GMIP: variants seen among roughly 807,000 people sequenced by gnomAD.
The protein encoded by GMIP is GEM-interacting protein.
In GMIP, 54 loss-of-function variants were observed where a neutral mutation model predicts 105.3. That is an observed-to-expected ratio of 0.51 (90% CI 0.41 to 0.64). The LOEUF is 0.64. Among genes scored for constraint, GMIP ranks in the 30% least tolerant of loss-of-function variants. The pLI, the probability that GMIP is intolerant of heterozygous loss-of-function variation, is 0.00. For missense variants in GMIP, 1,110 were observed against 1,319.4 expected (o/e 0.84, Z 2.46); for synonymous variants, 541 against 560.8 (o/e 0.96, Z 0.50).
At position 19,640,376 on chromosome 19, in the gene GMIP, G is replaced by GC. The variant is rs775484538; in HGVS notation, c.365-17dup. 1.9e-6 allele frequency: 3 copies of GC among 1,613,966 alleles called. No individual in the cohort carries two copies. The African/African-American group carries it at 4.0e-5, about 22-fold the overall frequency. On this transcript the variant is annotated splice_polypyrimidine_tract_variant and intron_variant, in intron 5 of 20. Transcript: ENST00000203556. ...AACTCCAGCTCTGGGGGAAGAGAGA[G>GC]CCGGGCTCTGGGTCTAGCTGGGGTC...
chr19:19,634,288 C>T lies in GMIP; in HGVS notation c.2085-98G>A. 7.6e-7 allele frequency: 1 copy of T among 1,309,048 alleles called. No individual in the cohort carries two copies. The highest frequency in any genetic ancestry group is 1.0e-6 in the Non-Finnish European group (1 of 970,056). The allele number at this position is 1,309,048 out of a possible 1,614,324, so 81.1% of individuals were successfully genotyped here. The stretch of plus-strand genomic sequence containing the variant: ...CGCAGGCCAGCCTAGAGGTGACTTG[C>T]CCATGTCACAGGTGTAAGTCGTCTG... On this transcript the variant is annotated intron_variant, in intron 18 of 20. Coordinates refer to ENST00000203556, the MANE Select transcript of GMIP (RefSeq NM_016573.4). This position sits in a 1 kb window ranked among gnomAD's most constrained non-coding sequence, Gnocchi z 6.1.
chr19:19,635,782 G>T lies in GMIP; in HGVS notation c.1328-61C>A. On this transcript the variant is annotated intron_variant, in intron 13 of 20. Transcript: ENST00000203556. This position sits in a 1 kb window ranked among gnomAD's most constrained non-coding sequence, Gnocchi z 4.7. ...ATGGGAGGCACTCCTGGTTTTTAGGGCTTCCAGAACCACCCACTAATTCCC... is the reference window on the plus strand; with the variant it reads ...ATGGGAGGCACTCCTGGTTTTTAGGTCTTCCAGAACCACCCACTAATTCCC... 1 of 1,407,346 alleles carries T rather than the reference G, an allele frequency of 7.1e-7. No individual in the cohort carries two copies. Among genetic ancestry groups the T allele is most frequent in the Non-Finnish European group, 1.0e-6 (1 of 994,150 alleles). 87.2% of individuals were successfully genotyped at this position (1,407,346 alleles called of 1,614,324 possible). A position where few individuals can be genotyped will look rare whatever the true frequency, so the allele number is the denominator to read the frequency against.
chr19:19,637,336 G>C lies in GMIP; in HGVS notation c.1124+29C>G, dbSNP rs201582978. ...GCCTGGCATCGCGATTCCGGGGCTC[G>C]TTCCCGACTCCCTGCTCCAGTGACC... On this transcript the variant is annotated intron_variant, in intron 11 of 20. Transcript: ENST00000203556. This position sits in a 1 kb window ranked among gnomAD's most constrained non-coding sequence, Gnocchi z 6.7. 78 of 1,427,934 alleles carry C rather than the reference G, an allele frequency of 5.5e-5. No individual in the cohort carries two copies. The East Asian group carries it at 1.9e-3, about 35-fold the overall frequency. The allele number at this position is 1,427,934 out of a possible 1,614,324, so 88.5% of individuals were successfully genotyped here. A position where few individuals can be genotyped will look rare whatever the true frequency, so the allele number is the denominator to read the frequency against.
chr19:19,638,524 G>A, intron 7 of GMIP, 42 bp from the exon 8 acceptor site: 2 of 1,552,390 alleles, frequency 1.3e-6, no homozygotes, highest in Admixed American at 3.4e-5. Context: ...CTGCCTTAGG[G>A]CCAACCCAGA....
rs1351061848 is a variant in GMIP at position 19,636,901 on chromosome 19, C to T, written c.1237+16G>A. 3 of 1,561,388 alleles carry T rather than the reference C, an allele frequency of 1.9e-6. No homozygotes were observed. Among genetic ancestry groups the T allele is most frequent in the Middle Eastern group, 3.3e-4 (2 of 5,988 alleles). ...AACTCCTGGCACCACTCCCACCTGG[C>T]CCTCATTGCACTCACCTTGCCAGCG... On this transcript the variant is annotated intron_variant, in intron 12 of 20. Transcript: ENST00000203556.
chr19:19,642,306 T>C (rs2061931080), intron 2 of GMIP, among the ~76,000 whole-genome samples: 1 of 151,980 alleles, frequency 6.6e-6, no homozygotes, highest in African/African-American at 2.4e-5. Context: ...TTTTAAGGGG[T>C]TACAAGGATA....
rs2061869257 is a variant in GMIP, at chr19:19,637,591, G to C, written c.928-30C>G. 1 of 1,473,916 alleles carries C rather than the reference G, an allele frequency of 6.8e-7. No homozygotes were observed. The highest frequency in any genetic ancestry group is 9.0e-7 in the Non-Finnish European group (1 of 1,117,126). 91.3% of individuals were successfully genotyped at this position (1,473,916 alleles called of 1,614,324 possible). Reference sequence around the variant, plus strand: ...CGGGTGGAGACAGCAGGTTGGGGAGGGGCGGAGCCTGGGAGCCTGGGGGCA... The same window carrying C: ...CGGGTGGAGACAGCAGGTTGGGGAGCGGCGGAGCCTGGGAGCCTGGGGGCA... On this transcript the variant is annotated intron_variant, in intron 10 of 20. Transcript: ENST00000203556. The surrounding 1 kb of genome is among the most constrained non-coding windows in gnomAD (Gnocchi z 6.7).
At position 19,634,861 on chromosome 19, in the gene GMIP, T is replaced by TCGGCC; in HGVS notation, c.1813_1817dup (p.Leu608GlufsTer29). ...AGTTCCCCGACAGCTCCACCAACGCTCGGCCATTCTCGAAAGCCTGGCACA... is the reference window on the plus strand; with the variant it reads ...AGTTCCCCGACAGCTCCACCAACGCTCGGCCCGGCCATTCTCGAAAGCCTGGCACA... On this transcript the variant is annotated frameshift_variant, in exon 17 of 21. Coordinates refer to ENST00000203556, the MANE Select transcript of GMIP (RefSeq NM_016573.4). LOFTEE classifies it high-confidence loss of function. The surrounding 1 kb of genome is among the most constrained non-coding windows in gnomAD (Gnocchi z 6.1). 3 of 1,613,876 alleles carry TCGGCC rather than the reference T, an allele frequency of 1.9e-6. No individual in the cohort carries two copies. Among genetic ancestry groups the TCGGCC allele is most frequent in the Non-Finnish European group, 2.5e-6 (3 of 1,180,016 alleles).
chr19:19,641,792 G>A lies in GMIP; in HGVS notation c.238+18C>T. 6.3e-7 allele frequency: 1 copy of A among 1,585,026 alleles called. No homozygotes were observed. Among genetic ancestry groups the A allele is most frequent in the Non-Finnish European group, 8.6e-7 (1 of 1,156,824 alleles). ...ACTCCTGTCTGTCCCCACTGTCCTG[G>A]CCTCCAGACCCCCCTACCTGTGAGG... On this transcript the variant is annotated intron_variant, in intron 4 of 20. Coordinates refer to ENST00000203556, the MANE Select transcript of GMIP (RefSeq NM_016573.4).
chr19:19,641,475 C>T (rs2061918521), intron 4 of GMIP, among the ~76,000 whole-genome samples: 1 of 152,134 alleles, frequency 6.6e-6, no homozygotes, highest in Non-Finnish European at 1.5e-5. Context: ...AAGTCCTGGG[C>T]TTAATCAGTC....
chr19:19,639,522 A>C (rs766167852), intron 7 of GMIP, among the ~76,000 whole-genome samples: 5 of 151,680 alleles, frequency 3.3e-5, no homozygotes, highest in Admixed American at 3.3e-4. Context: ...TCCTGAGAAC[A>C]CTCAGCACCT....
In GMIP at chr19:19,630,346, G is replaced by T. The variant is rs1568409696; in HGVS notation, c.2540-10C>A. On this transcript the variant is annotated splice_polypyrimidine_tract_variant and intron_variant, in intron 20 of 20. Transcript: ENST00000203556. This position sits in a 1 kb window ranked among gnomAD's most constrained non-coding sequence, Gnocchi z 4.8. ...GGGCCTTGGCTGGACACTGTGTACG[G>T]GGTGGGTGGTCAGTGCAGAGCACCT... The T allele has an allele frequency of 2.6e-6, 4 of 1,545,586 alleles. No individual in the cohort carries two copies. The highest frequency in any genetic ancestry group is 3.5e-6 in the Non-Finnish European group (4 of 1,146,598).
chr19:19,639,201 C>T (rs963057478), intron 7 of GMIP, among the ~76,000 whole-genome samples: 1 of 151,954 alleles, frequency 6.6e-6, no homozygotes, highest in East Asian at 1.9e-4. Flanking sequence ...CTCCTAGTAG[C>T]TAGCACTGCA....
Position 19,633,915 on chromosome 19 carries a change from G to T in GMIP, c.2360C>A (p.Pro787Gln). The change falls in exon 19 of 21, where the codon CCA (proline) becomes CAA (glutamine). Residue 787 changes from proline to glutamine, a missense_variant. Pro to Gln is a moderately conservative substitution (Grantham distance 76). Around this residue, in one of 3 missense-constraint regions of GMIP, gnomAD observed 394 missense variants for 450.5 expected, o/e 0.87. Transcript: ENST00000203556. Reference protein sequence around the residue: ...PGPLTTSSQPPPPHLDPDSQP... With the variant: ...PGPLTTSSQPQPPHLDPDSQP... ...GGAGTCTGGGTCAAGGTGCGGGGGT[G>T]GCGGTTGGGAGCTGGTTGTGAGGGG... The T allele has an allele frequency of 6.5e-7, 1 of 1,538,472 alleles. No homozygotes were observed. Among genetic ancestry groups the T allele is most frequent in the Non-Finnish European group, 8.8e-7 (1 of 1,137,220 alleles).
chr19:19,640,198 G>A lies in GMIP; in HGVS notation c.430-6C>T, dbSNP rs1555747840. The A allele has an allele frequency of 1.2e-6, 2 of 1,604,542 alleles. No individual in the cohort carries two copies. The highest frequency in any genetic ancestry group is 1.3e-5 in the African/African-American group (1 of 74,452). The stretch of plus-strand genomic sequence containing the variant: ...TACTGCAGAGGCATGTGGCTCTGGG[G>A]AAGACAGAGTGGTGTAGGAGGATAC... On this transcript the variant is annotated splice_region_variant and splice_polypyrimidine_tract_variant and intron_variant, in intron 6 of 20. Transcript: ENST00000203556.
chr19:19,637,391 G>A lies in GMIP; in HGVS notation c.1098C>T (p.Phe366=). Residue 366 remains phenylalanine, a synonymous_variant, in exon 11 of 21, where the codon TTC becomes TTT. Transcript: ENST00000203556. This position sits in a 1 kb window ranked among gnomAD's most constrained non-coding sequence, Gnocchi z 6.7. ...APPPPPPAFS[F]QEFLPSLNSS... ...TGTTCAAGGAGGGAAGGAACTCCTG[G>A]AAGGAGAAGGCGGGCGGCGGGGGCG... The A allele has an allele frequency of 2.0e-6, 3 of 1,507,422 alleles. No individual in the cohort carries two copies. The highest frequency in any genetic ancestry group is 1.4e-5 in the African/African-American group (1 of 69,492). 93.4% of individuals were successfully genotyped at this position (1,507,422 alleles called of 1,614,324 possible).
Position 19,637,582 on chromosome 19 carries a change from G to T in GMIP, c.928-21C>A. 6 of 1,496,056 alleles carry T rather than the reference G, an allele frequency of 4.0e-6. No homozygotes were observed. The highest frequency in any genetic ancestry group is 5.3e-6 in the Non-Finnish European group (6 of 1,129,450). 92.7% of individuals were successfully genotyped at this position (1,496,056 alleles called of 1,614,324 possible). ...GTCACCTGCCGGGTGGAGACAGCAG[G>T]TTGGGGAGGGGCGGAGCCTGGGAGC... On this transcript the variant is annotated intron_variant, in intron 10 of 20. Transcript: ENST00000203556. The surrounding 1 kb of genome is among the most constrained non-coding windows in gnomAD (Gnocchi z 6.7).
intron 2 of GMIP, 51 bp downstream of exon 2, chr19:19,642,484 G>A (rs544381941): frequency 8.6e-7 from 1 of 1,161,530 alleles, no homozygotes; most frequent in African/African-American, 1.5e-5. Context: ...AAATGGTTAG[G>A]GGCTTGGGGC....
rs2061840820 is a variant in GMIP, at chr19:19,635,216, G to C, written c.1561-3C>G. On this transcript the variant is annotated splice_polypyrimidine_tract_variant and splice_region_variant and intron_variant, in intron 15 of 20. Transcript: ENST00000203556. This position sits in a 1 kb window ranked among gnomAD's most constrained non-coding sequence, Gnocchi z 4.7. The stretch of plus-strand genomic sequence containing the variant: ...CGCTTGTGGCAGGTCAGAAAGCACT[G>C]TGGGGAAGGTCACAGGGACAGGGAG... 1 of 1,609,260 alleles carries C rather than the reference G, an allele frequency of 6.2e-7. No homozygotes were observed. Among genetic ancestry groups the C allele is most frequent in the Non-Finnish European group, 8.5e-7 (1 of 1,177,526 alleles).
Sources: gnomAD v4.1 joint callset for allele counts (sites outside exome capture counted in the v4.1 genomes callset) on GRCh38, gnomAD v4.1.1 for gene constraint, gnomAD v4.1.1 regional missense constraint, Gnocchi (gnomAD v3.1) non-coding constraint, MANE v1.5 for transcripts, NCBI Gene and HGNC (gene_info 2026-07-23, HGNC 2026-07-21) for gene names.